Variants in RLF observed in about 807,000 individuals in gnomAD.
RLF encodes the protein RLF zinc finger.
In RLF, 7 loss-of-function variants were observed where a neutral mutation model predicts 162.9. The ratio of observed to expected loss-of-function variants is 0.04; its 90% CI spans 0.02 to 0.08. The LOEUF (loss-of-function observed/expected upper bound fraction) is 0.08, where lower values mean the gene tolerates loss of function less well. RLF is among the 10% of genes least tolerant of loss of function. The probability of loss-of-function intolerance (pLI) is 1.00; values close to 1 mark genes in which losing one functional copy is unlikely to be tolerated. For missense variants in RLF, 1,664 were observed against 2,244.7 expected (o/e 0.74, Z 5.23); for synonymous variants, 782 against 791.5 (o/e 0.99, Z 0.20).
chr1:40,193,127 C>CAA (rs76035508), intron 3 of RLF, among the ~76,000 whole-genome samples: 980 of 65,006 alleles, frequency 0.015, 24 homozygotes, highest in African/African-American at 0.02. Flanking sequence ...GTGGTCTTAG[C>CAA]AAAAAAAAAA....
intron 3 of RLF, among the ~76,000 whole-genome samples, chr1:40,194,608 CAAAAAAAAT>C (rs891621224): frequency 2.0e-5 from 3 of 148,706 alleles, no homozygotes; most frequent in African/African-American, 7.4e-5. Flanking sequence ...ACCAACAAAA[CAAAAAAAAT>C]AAATCAGCCT....
chr1:40,220,444 C>T (rs1642977114), intron 5 of RLF, among the ~76,000 whole-genome samples: 1 of 152,184 alleles, frequency 6.6e-6, no homozygotes, highest in African/African-American at 2.4e-5. Flanking sequence ...CCTACTCATT[C>T]ATTCCTACTC....
chr1:40,221,301 G>T (rs1453672261), intron 5 of RLF, among the ~76,000 whole-genome samples: 1 of 151,106 alleles, frequency 6.6e-6, no homozygotes, highest in Non-Finnish European at 1.5e-5. Flanking sequence ...CAGTCTTACA[G>T]ATTTGTCATG....
intron 4 of RLF, among the ~76,000 whole-genome samples, chr1:40,201,936 C>T (rs1557749148): frequency 6.6e-6 from 1 of 151,988 alleles, no homozygotes; most frequent in African/African-American, 2.4e-5. Flanking sequence ...AGGACTATCT[C>T]TCAGGTCTTT....
intron 1 of RLF, among the ~76,000 whole-genome samples, chr1:40,187,349 A>G (rs1055418991): frequency 3.3e-5 from 5 of 152,164 alleles, no homozygotes; most frequent in Non-Finnish European, 7.4e-5. Flanking sequence ...AAATTAGGTG[A>G]AATCTTAGTT....
chr1:40,219,575 T>C (rs770707224), intron 5 of RLF, among the ~76,000 whole-genome samples: 20 of 152,168 alleles, frequency 1.3e-4, no homozygotes, highest in Non-Finnish European at 2.6e-4. Flanking sequence ...AGCTCTTGAA[T>C]TGGAAGCTTA....
intron 4 of RLF, among the ~76,000 whole-genome samples, chr1:40,196,089 T>C (rs1642631889): frequency 6.6e-6 from 1 of 152,090 alleles, no homozygotes; most frequent in African/African-American, 2.4e-5. Flanking sequence ...TTTTTTTTTT[T>C]TCCCGAGACG....
At chr1:40,183,631 G>A (rs576107208) in intron 1 of RLF, among the ~76,000 whole-genome samples, 9 of 152,182 alleles carry the variant, frequency 5.9e-5, no homozygotes, top group South Asian at 4.2e-4. Flanking sequence ...TAAAGAAAGC[G>A]TGGTGATTAA....
At chr1:40,185,291 C>G (rs932288743) in intron 1 of RLF, among the ~76,000 whole-genome samples, 1 of 151,136 alleles carries the variant, frequency 6.6e-6, no homozygotes, top group African/African-American at 2.4e-5. Context: ...CCACCACGCC[C>G]GGCTACTTTC....
chr1:40,220,019 G>C (rs1227078247), intron 5 of RLF, among the ~76,000 whole-genome samples: 2 of 152,154 alleles, frequency 1.3e-5, no homozygotes, highest in African/African-American at 4.8e-5. Flanking sequence ...GGCTGAGGCA[G>C]GCAGATCATG....
At chr1:40,189,243 G>C (rs1273036458) in intron 2 of RLF, 34 bp downstream of exon 2, 1 of 1,576,034 alleles carries the variant, frequency 6.3e-7, no homozygotes, top group South Asian at 1.1e-5. Context: ...TCTTAAAATT[G>C]AGTACCATTG....
intron 1 of RLF, among the ~76,000 whole-genome samples, chr1:40,172,176 C>G (rs948576387): frequency 6.6e-6 from 1 of 151,210 alleles, no homozygotes; most frequent in South Asian, 2.1e-4. Flanking sequence ...TATAAAAGCA[C>G]TTCTTGTGGC....
At chr1:40,169,167 A>C (rs897339210) in intron 1 of RLF, among the ~76,000 whole-genome samples, 9 of 152,178 alleles carry the variant, frequency 5.9e-5, no homozygotes, top group Admixed American at 6.5e-5. Context: ...TTCATTTTAC[A>C]GACAGAAAAC....
In RLF at chr1:40,166,289, G is replaced by A. The variant is rs568803965; in HGVS notation, c.237+4653G>A. Among the ~76,000 whole-genome samples, 4 of 151,844 alleles carry A rather than the reference G, an allele frequency of 2.6e-5. No individual in the cohort carries two copies. The East Asian group carries it at 7.7e-4, about 29-fold the overall frequency. On this transcript the variant is annotated intron_variant, in intron 1 of 7. Coordinates refer to ENST00000372771, the MANE Select transcript of RLF (RefSeq NM_012421.4). ...GATAGACACTTAAAACAGTACTTTAGGGGGAACCTCTAATGTAAAATCTAG... is the reference window on the plus strand; with the variant it reads ...GATAGACACTTAAAACAGTACTTTAAGGGGAACCTCTAATGTAAAATCTAG...
At position 40,189,157 on chromosome 1, in the gene RLF, T is replaced by A. The variant is rs913377671; in HGVS notation, c.340T>A (p.Tyr114Asn). 3 of 1,613,894 alleles carry A rather than the reference T, an allele frequency of 1.9e-6. No homozygotes were observed. The highest frequency in any genetic ancestry group is 2.5e-6 in the Non-Finnish European group (3 of 1,179,908). Residue 114 changes from tyrosine (Y) to asparagine (N), a missense_variant, in exon 2 of 8, where the codon TAC becomes AAC. Transcript: ENST00000372771. ...CCAAAGCTTTGCCAGTGCACGTCCA[T>A]ACTTAACTACTGAATGTGAAGATGT... ...AIQSFASARP[Y>N]LTTECEDVLL...
At chr1:40,232,331 A>G (rs539682831) in intron 7 of RLF, among the ~76,000 whole-genome samples, 1 of 152,304 alleles carries the variant, frequency 6.6e-6, no homozygotes, top group South Asian at 2.1e-4. Context: ...TAAAGGTACT[A>G]ATTTTCTATT....
chr1:40,171,569 T>TA (rs1642245776), intron 1 of RLF, among the ~76,000 whole-genome samples: 1 of 152,218 alleles, frequency 6.6e-6, no homozygotes, highest in African/African-American at 2.4e-5. Context: ...TATCCTAAAG[T>TA]AATAAAGCAG....
In RLF at chr1:40,238,350, C is replaced by A; in HGVS notation, c.3648C>A (p.Gly1216=). The A allele has an allele frequency of 6.2e-7, 1 of 1,614,048 alleles. No individual in the cohort carries two copies. Among genetic ancestry groups the A allele is most frequent in the Non-Finnish European group, 8.5e-7 (1 of 1,179,986 alleles). ...LLDNEKCDHE[G]PCSVDRLKGD... is the part of the protein sequence containing the mutation. Reference sequence around the variant, plus strand: ...ATAATGAAAAGTGTGATCATGAAGGCCCATGTTCAGTAGATAGGTTGAAAG... The same window carrying A: ...ATAATGAAAAGTGTGATCATGAAGGACCATGTTCAGTAGATAGGTTGAAAG... Residue 1216 remains glycine, a synonymous_variant, in exon 8 of 8, where the codon GGC becomes GGA. Transcript: ENST00000372771. The surrounding 1 kb of genome is among the most constrained non-coding windows in gnomAD (Gnocchi z 5.2).
Position 40,238,402 on chromosome 1 carries a change from G to C in RLF, c.3700G>C (p.Asp1234His), listed in dbSNP as rs1335889075. 1 of 1,614,142 alleles carries C rather than the reference G, an allele frequency of 6.2e-7. No individual in the cohort carries two copies. The highest frequency in any genetic ancestry group is 8.5e-7 in the Non-Finnish European group (1 of 1,180,002). ...TGATTGTTCTGCAGAACTTGGAGGT[G>C]ATCCCAGTAGTAACTCTGAGAAACC... ...KGDCSAELGG[D>H]PSSNSEKPHC... The change falls in exon 8 of 8, where the codon GAT becomes CAT. Residue 1234 changes from aspartate to histidine, a missense_variant. Physicochemically the swap from Asp to His is moderately conservative, Grantham distance 81. Coordinates refer to ENST00000372771, the MANE Select transcript of RLF (RefSeq NM_012421.4). This position sits in a 1 kb window ranked among gnomAD's most constrained non-coding sequence, Gnocchi z 5.2.
Sources: gnomAD v4.1 joint callset for allele counts (sites outside exome capture counted in the v4.1 genomes callset) on GRCh38, gnomAD v4.1.1 for gene constraint, Gnocchi (gnomAD v3.1) non-coding constraint, MANE v1.5 for transcripts, NCBI Gene and HGNC (gene_info 2026-07-23, HGNC 2026-07-21) for gene names.